Variants in EIPR1 observed in about 807,000 individuals in gnomAD.
The protein encoded by EIPR1 is EARP and GARP complex-interacting protein 1.
Under a neutral mutation model 48.1 loss-of-function variants are expected in EIPR1, and 25 were observed. That is an observed-to-expected ratio of 0.52 (90% CI 0.38 to 0.73). The LOEUF is 0.73. EIPR1 is among the 30% of genes least tolerant of loss of function. EIPR1 has a pLI of 0.00. For missense variants in EIPR1, 415 were observed against 506.2 expected (o/e 0.82, Z 1.73); for synonymous variants, 204 against 201.9 (o/e 1.01, Z -0.09).
chr2:3,344,482 G>T (rs1302242927), intron 2 of EIPR1, among the ~76,000 whole-genome samples: 4 of 152,134 alleles, frequency 2.6e-5, no homozygotes, highest in Non-Finnish European at 4.4e-5. Context: ...TTCTCATTTG[G>T]ATTCTGCCAT....
chr2:3,305,853 C>A (rs563212677), intron 3 of EIPR1, among the ~76,000 whole-genome samples: 1 of 152,222 alleles, frequency 6.6e-6, no homozygotes, highest in Non-Finnish European at 1.5e-5. Context: ...TCCTCCCAGG[C>A]GGTTCATAGG....
intron 1 of EIPR1, among the ~76,000 whole-genome samples, chr2:3,354,966 C>T (rs1389906551): frequency 6.6e-6 from 1 of 152,200 alleles, no homozygotes; most frequent in East Asian, 1.9e-4. Context: ...ACAAATTATA[C>T]TTCAACAATA....
At chr2:3,224,475 G>A (rs566379278) in intron 4 of EIPR1, among the ~76,000 whole-genome samples, 2 of 152,280 alleles carry the variant, frequency 1.3e-5, no homozygotes, top group Admixed American at 6.5e-5. Context: ...TGCCAAACAG[G>A]TTTCACCTCA....
intron 2 of EIPR1, among the ~76,000 whole-genome samples, chr2:3,341,930 A>C: frequency 6.6e-6 from 1 of 152,232 alleles, no homozygotes; most frequent in Middle Eastern, 3.2e-3. Flanking sequence ...CAAAAATTTA[A>C]AAATGAGAAT....
intron 5 of EIPR1, among the ~76,000 whole-genome samples, chr2:3,209,916 C>T (rs1401973727): frequency 6.6e-6 from 1 of 152,110 alleles, no homozygotes; most frequent in Non-Finnish European, 1.5e-5. Flanking sequence ...ATTTTTAGGG[C>T]CGTGAAACAA....
chr2:3,203,730 G>A (rs572294973), intron 5 of EIPR1, among the ~76,000 whole-genome samples: 18 of 152,360 alleles, frequency 1.2e-4, no homozygotes, highest in South Asian at 8.3e-4. Flanking sequence ...ACCGCAGGGC[G>A]GGGTCCCTCA....
chr2:3,313,995 G>C (rs1669207760), intron 3 of EIPR1, among the ~76,000 whole-genome samples: 1 of 152,162 alleles, frequency 6.6e-6, no homozygotes, highest in Admixed American at 6.5e-5. Context: ...CTGGGACCCG[G>C]GGAGGGTGGC....
intron 2 of EIPR1, among the ~76,000 whole-genome samples, chr2:3,344,369 T>C (rs1474013806): frequency 6.6e-6 from 1 of 152,236 alleles, no homozygotes; most frequent in Non-Finnish European, 1.5e-5. Flanking sequence ...TCTTTACCCC[T>C]GGTTACAGCA....
At chr2:3,287,940 C>T (rs1668256925) in intron 3 of EIPR1, among the ~76,000 whole-genome samples, 1 of 152,140 alleles carries the variant, frequency 6.6e-6, no homozygotes, top group Non-Finnish European at 1.5e-5. Flanking sequence ...AGGTCGTGTG[C>T]AGAGGGTACT....
chr2:3,205,773 GTTAC>G (rs886881298), intron 5 of EIPR1, among the ~76,000 whole-genome samples: 7 of 152,306 alleles, frequency 4.6e-5, no homozygotes, highest in Non-Finnish European at 8.8e-5. Context: ...TCATTGGCAG[GTTAC>G]TTAGTCTCTT....
In EIPR1 at chr2:3,287,518, T is replaced by TGTTCACCACGCTCCAGAAAGCTC. The variant is rs1558274894; in HGVS notation, c.260-30086_260-30064dup. 5.1e-5 allele frequency among the ~76,000 whole-genome samples: 6 copies of TGTTCACCACGCTCCAGAAAGCTC among 117,754 alleles called. No homozygotes were observed. In the East Asian group the frequency reaches 1.4e-3, roughly 27 times the overall value. The allele number at this position is 117,754 out of a possible 152,430, so 77.3% of individuals were successfully genotyped here. On this transcript the variant is annotated intron_variant, in intron 3 of 8. Transcript: ENST00000382125. ...TTCGTTCACCACACTCCAGAAAGTT[T>TGTTCACCACGCTCCAGAAAGCTC]GTTCACCACGCTCCAGAAAGCTCGT...
intron 1 of EIPR1, among the ~76,000 whole-genome samples, chr2:3,370,071 C>T (rs1395607711): frequency 6.6e-6 from 1 of 152,186 alleles, no homozygotes; most frequent in African/African-American, 2.4e-5. Flanking sequence ...CAGCAACATT[C>T]GCGGATCACG....
chr2:3,258,035 C>A (rs1036726490), intron 3 of EIPR1, among the ~76,000 whole-genome samples: 1 of 152,232 alleles, frequency 6.6e-6, no homozygotes, highest in African/African-American at 2.4e-5. Flanking sequence ...CAGCAGGTGG[C>A]AGCCCAGCCT....
intron 3 of EIPR1, among the ~76,000 whole-genome samples, chr2:3,323,691 G>A (rs1374745725): frequency 1.3e-5 from 2 of 152,178 alleles, no homozygotes; most frequent in Non-Finnish European, 2.9e-5. Context: ...GTGGCAAGAC[G>A]TGAAGACACC....
At chr2:3,332,251 T>A (rs1669922342) in intron 3 of EIPR1, among the ~76,000 whole-genome samples, 1 of 152,190 alleles carries the variant, frequency 6.6e-6, no homozygotes, top group Non-Finnish European at 1.5e-5. Flanking sequence ...TGAAACAAGT[T>A]CTAAATATGG....
chr2:3,314,025 C>T (rs1244145076), intron 3 of EIPR1, among the ~76,000 whole-genome samples: 2 of 152,204 alleles, frequency 1.3e-5, no homozygotes, highest in African/African-American at 2.4e-5. Context: ...CCCAGCCCCC[C>T]TCTCACGCTA....
chr2:3,283,565 A>C (rs777009025), intron 3 of EIPR1, among the ~76,000 whole-genome samples: 1 of 152,232 alleles, frequency 6.6e-6, no homozygotes, highest in Non-Finnish European at 1.5e-5. Flanking sequence ...AAAACTCGCC[A>C]TGCCTTCCCC....
chr2:3,322,989 C>T (rs1022198088), intron 3 of EIPR1, among the ~76,000 whole-genome samples: 12 of 152,114 alleles, frequency 7.9e-5, no homozygotes, highest in Non-Finnish European at 2.9e-5. Flanking sequence ...AAGCGAAAAG[C>T]GACAAACGTT....
At chr2:3,311,044 T>C (rs1669114060) in intron 3 of EIPR1, among the ~76,000 whole-genome samples, 1 of 152,198 alleles carries the variant, frequency 6.6e-6, no homozygotes, top group Non-Finnish European at 1.5e-5. Flanking sequence ...AAATGGAGCA[T>C]ATGAAGATGC....
Sources: allele counts gnomAD v4.1 joint callset (sites outside exome capture counted in the v4.1 genomes callset), GRCh38; gene constraint gnomAD v4.1.1; transcripts MANE v1.5; gene names NCBI Gene and HGNC (gene_info 2026-07-23, HGNC 2026-07-21).